GLMN: variants seen among roughly 807,000 people sequenced by gnomAD.
The protein encoded by GLMN is glomulin.
GLMN carries 75 observed loss-of-function variants against 87.8 expected under a neutral mutation model. The observed-to-expected ratio is 0.85, with a 90% CI of 0.71 to 1.04. GLMN has a LOEUF of 1.04. Among genes scored for constraint, GLMN ranks in the 50% least tolerant of loss-of-function variants. GLMN has a pLI of 0.00. For synonymous variants in GLMN, 206 were observed against 221.6 expected (o/e 0.93, Z 0.63); for missense variants, 588 against 658.8 (o/e 0.89, Z 1.18).
At chr1:92,272,827 A>G (rs1412053894) in intron 7 of GLMN, among the ~76,000 whole-genome samples, 2 of 152,204 alleles carry the variant, frequency 1.3e-5, no homozygotes, top group Non-Finnish European at 2.9e-5. Flanking sequence ...TACTGGTACT[A>G]ATTCTAGCGT....
chr1:92,323,890 A>G, the GLMN span: 3 of 1,614,172 alleles, frequency 1.9e-6, no homozygotes, highest in Non-Finnish European at 2.5e-6. Context: ...TAGGTCAGAA[A>G]TAACTCTAGT....
chr1:92,327,833 T>A, the GLMN span, among the ~76,000 whole-genome samples: 2 of 152,214 alleles, frequency 1.3e-5, no homozygotes, highest in Non-Finnish European at 2.9e-5. Flanking sequence ...CTTTAGCAGT[T>A]CTTGTAGTGC....
the GLMN span, among the ~76,000 whole-genome samples, chr1:92,342,605 A>G: frequency 5.3e-5 from 8 of 152,344 alleles, no homozygotes; most frequent in African/African-American, 1.7e-4. Flanking sequence ...GGGCCGAGGC[A>G]GAGAGACCAA....
chr1:92,254,869 C>T (rs1364464355), intron 16 of GLMN, among the ~76,000 whole-genome samples: 1 of 152,082 alleles, frequency 6.6e-6, no homozygotes, highest in African/African-American at 2.4e-5. Context: ...GCAAAATAAC[C>T]AGCTAGCATA....
intron 7 of GLMN, among the ~76,000 whole-genome samples, chr1:92,273,899 T>C (rs1348623387): frequency 2.0e-5 from 3 of 152,210 alleles, no homozygotes; most frequent in Non-Finnish European, 4.4e-5. Context: ...ATCCAGGCTG[T>C]ACCTGGCACC....
the GLMN span, among the ~76,000 whole-genome samples, chr1:92,347,089 G>C: frequency 6.6e-6 from 1 of 152,148 alleles, no homozygotes; most frequent in Non-Finnish European, 1.5e-5. Flanking sequence ...CAGTGAGCCA[G>C]AATCTGTGTC....
the GLMN span, among the ~76,000 whole-genome samples, chr1:92,356,946 A>G: frequency 1.3e-5 from 2 of 151,900 alleles, no homozygotes; most frequent in East Asian, 3.9e-4. Flanking sequence ...ACCGCCTGTA[A>G]TCTCAGCTAC....
At chr1:92,264,488 T>C (rs1655386528) in intron 14 of GLMN, 66 bp downstream of exon 14, 2 of 774,686 alleles carry the variant, frequency 2.6e-6, no homozygotes, top group South Asian at 2.8e-5. Context: ...CATTAATGTA[T>C]TCTACATATG....
chr1:92,360,678 C>T, the GLMN span, among the ~76,000 whole-genome samples: 1 of 152,116 alleles, frequency 6.6e-6, no homozygotes, highest in African/African-American at 2.4e-5. Context: ...TACATATCTG[C>T]AACATATTTC....
At chr1:92,261,296 C>T (rs996014510) in intron 16 of GLMN, among the ~76,000 whole-genome samples, 1 of 152,206 alleles carries the variant, frequency 6.6e-6, no homozygotes, top group Non-Finnish European at 1.5e-5. Context: ...CCTACATTAT[C>T]TATGAAAAGT....
chr1:92,352,618 T>C, the GLMN span, among the ~76,000 whole-genome samples: 77 of 152,370 alleles, frequency 5.1e-4, no homozygotes, highest in Non-Finnish European at 9.6e-4. Context: ...TTGAAGATCA[T>C]TGAAATTACT....
rs139156778 is a variant in GLMN at position 92,264,226 on chromosome 1, C to T, written c.1299+328G>A. Among the ~76,000 whole-genome samples the T allele has an allele frequency of 1.9e-3, 288 of 152,098 alleles. 1 individual carries two copies. The highest frequency in any genetic ancestry group is 6.5e-3 in the Admixed American group (99 of 15,260). On this transcript the variant is annotated intron_variant, in intron 14 of 18. Transcript: ENST00000370360. Reference sequence around the variant, plus strand: ...TACTCGGGAGGCTGAGTTGGGAGAACTGCTTGAGCCCAGGAGGTGGAGGCT... The same window carrying T: ...TACTCGGGAGGCTGAGTTGGGAGAATTGCTTGAGCCCAGGAGGTGGAGGCT...
the GLMN span, among the ~76,000 whole-genome samples, chr1:92,307,996 CTTGTGGTAA>C: frequency 1.3e-5 from 2 of 151,766 alleles, no homozygotes; most frequent in African/African-American, 2.4e-5. Context: ...GGCAGTGTTA[CTTGTGGTAA>C]GGTAGGACCT....
chr1:92,269,580 C>G lies in GLMN; in HGVS notation c.977+143G>C. On this transcript the variant is annotated intron_variant, in intron 9 of 18. Transcript: ENST00000370360. ...CTCCTTGACTCATTTCTGTCTCTCT[C>G]GTGAATTATTTGCCTCGCTGTTTTA... 8 of 651,126 alleles carry G rather than the reference C, an allele frequency of 1.2e-5. 1 individual carries two copies. In the South Asian group the frequency reaches 1.4e-4, roughly 11 times the overall value. 40.3% of individuals were successfully genotyped at this position (651,126 alleles called of 1,614,324 possible).
chr1:92,323,034 TTA>T, the GLMN span, among the ~76,000 whole-genome samples: 498 of 146,660 alleles, frequency 3.4e-3, 4 homozygotes, highest in African/African-American at 0.012. Flanking sequence ...TTTTATATAT[TTA>T]TATATCTTTA....
At position 92,266,722 on chromosome 1, in the gene GLMN, G is replaced by C; in HGVS notation, c.1118C>G (p.Thr373Arg). Residue 373 changes from threonine to arginine, a missense_variant, in exon 12 of 19, where the codon ACA (threonine) becomes AGA (arginine). Transcript: ENST00000370360. Reference protein sequence around the residue: ...TVPQGLVKVMTLCPIETLRKK... With the variant: ...TVPQGLVKVMRLCPIETLRKK... ...TACCAGTGTCTCAATGGGGCAAAGT[G>C]TCATTACTTTCACTAAGCCCTGGAA... 2 of 1,602,234 alleles carry C rather than the reference G, an allele frequency of 1.2e-6. No homozygotes were observed. Among genetic ancestry groups the C allele is most frequent in the Non-Finnish European group, 1.7e-6 (2 of 1,170,192 alleles).
At chr1:92,286,945 G>A (rs963905053) in intron 6 of GLMN, among the ~76,000 whole-genome samples, 3 of 152,154 alleles carry the variant, frequency 2.0e-5, no homozygotes, top group African/African-American at 7.2e-5. Flanking sequence ...GTGAACCAAT[G>A]AATTTCTGTT....
chr1:92,361,281 C>T, the GLMN span, among the ~76,000 whole-genome samples: 1 of 152,188 alleles, frequency 6.6e-6, no homozygotes, highest in East Asian at 1.9e-4. Flanking sequence ...AAGCAGTTTT[C>T]TTACCAAAAC....
the GLMN span, chr1:92,324,065 C>T: frequency 6.2e-7 from 1 of 1,614,010 alleles, no homozygotes; most frequent in Non-Finnish European, 8.5e-7. Context: ...ACAGAAGAAA[C>T]ATTGAGGTTT....
Sources: gnomAD v4.1 joint callset for allele counts (sites outside exome capture counted in the v4.1 genomes callset) on GRCh38, gnomAD v4.1.1 for gene constraint, MANE v1.5 for transcripts, NCBI Gene and HGNC (gene_info 2026-07-23, HGNC 2026-07-21) for gene names.